The following SERINC1 variants were observed in gnomAD, a reference collection of about 807,000 sequenced individuals.
SERINC1 encodes tumor differentially expressed protein 2.
A neutral mutation model predicts 52.9 loss-of-function variants in SERINC1; 38 were observed. The observed-to-expected ratio is 0.72, with a 90% confidence interval of 0.55 to 0.94. The LOEUF (loss-of-function observed/expected upper bound fraction) is 0.94. Ranked by LOEUF, SERINC1 falls within the 40% of genes least tolerant of loss-of-function variation. SERINC1 has a pLI of 0.00. For missense variants in SERINC1, 471 were observed against 533.9 expected (o/e 0.88, Z 1.16); for synonymous variants, 198 against 183.1 (o/e 1.08, Z -0.66).
chr6:122,459,674 GT>G (rs1404721659), intron 1 of SERINC1, among the ~76,000 whole-genome samples: 1 of 152,024 alleles, frequency 6.6e-6, no homozygotes, highest in Non-Finnish European at 1.5e-5. Context: ...ATATAATCCA[GT>G]AAGAAAAGGA....
Position 122,458,555 on chromosome 6 carries a change from T to C in SERINC1, c.166A>G (p.Met56Val). 1.2e-6 allele frequency: 2 copies of C among 1,613,254 alleles called. No individual in the cohort carries two copies. Among genetic ancestry groups the C allele is most frequent in the Non-Finnish European group, 1.7e-6 (2 of 1,179,432 alleles). Reference sequence around the variant, plus strand: ...TGTTCTTCCATTCCTGGTATCAACATTACACAAGCTACACATACTCCAACA... The same window carrying C: ...TGTTCTTCCATTCCTGGTATCAACACTACACAAGCTACACATACTCCAACA... ...LLVGVCVACV[M>V]LIPGMEEQLN... The change falls in exon 2 of 10, where the codon ATG becomes GTG. Residue 56 changes from methionine to valine, a missense_variant. By Grantham distance (21) the Met-to-Val change is conservative. Coordinates refer to ENST00000339697, the MANE Select transcript of SERINC1 (RefSeq NM_020755.4).
Position 122,444,945 on chromosome 6 carries a change from T to C in SERINC1, c.*99A>G, listed in dbSNP as rs1316104619. ...ATTCATGCCAGAACACTGGAGAAGT[T>C]ACATGGGAAGCAAAAACATACACAA... On this transcript the variant is annotated 3_prime_UTR_variant, in exon 10 of 10. Transcript: ENST00000339697. 1.7e-6 allele frequency: 2 copies of C among 1,178,434 alleles called. No individual in the cohort carries two copies. The highest frequency in any genetic ancestry group is 2.4e-6 in the Non-Finnish European group (2 of 834,992). The allele number at this position is 1,178,434 out of a possible 1,614,324, so 73.0% of individuals were successfully genotyped here. A position where few individuals can be genotyped will look rare whatever the true frequency, so the allele number is the denominator to read the frequency against.
At position 122,454,116 on chromosome 6, in the gene SERINC1, T is replaced by C. The variant is rs1774958021; in HGVS notation, c.451+35A>G. On this transcript the variant is annotated intron_variant, in intron 4 of 9. Coordinates refer to ENST00000339697, the MANE Select transcript of SERINC1 (RefSeq NM_020755.4). Reference sequence around the variant, plus strand: ...AATTATTTCAGATTCCTTTATAAAATATCAATGTCAAACAACTTAAAAAGG... The same window carrying C: ...AATTATTTCAGATTCCTTTATAAAACATCAATGTCAAACAACTTAAAAAGG... The C allele has an allele frequency of 3.0e-6, 4 of 1,347,122 alleles. No homozygotes were observed. In the South Asian group the frequency reaches 5.3e-5, roughly 18 times the overall value. The allele number at this position is 1,347,122 out of a possible 1,614,324, so 83.4% of individuals were successfully genotyped here.
intron 1 of SERINC1, among the ~76,000 whole-genome samples, chr6:122,468,732 G>A (rs1340236380): frequency 1.3e-5 from 2 of 152,102 alleles, no homozygotes; most frequent in Admixed American, 1.3e-4. Context: ...ACTCTGCATT[G>A]CTTGACCATT....
chr6:122,451,654 TA>T lies in SERINC1; in HGVS notation c.850+9del. 1 of 1,033,824 alleles carries T rather than the reference TA, an allele frequency of 9.7e-7. No homozygotes were observed. The highest frequency in any genetic ancestry group is 1.4e-6 in the Non-Finnish European group (1 of 707,386). 64.0% of individuals were successfully genotyped at this position (1,033,824 alleles called of 1,614,324 possible). ...AACCTTTAGGAACATGTAATATAAA[TA>T]AAACACACCTGGTTCATTGGTCATA... On this transcript the variant is annotated intron_variant, in intron 7 of 9. Coordinates refer to ENST00000339697, the MANE Select transcript of SERINC1 (RefSeq NM_020755.4).
intron 7 of SERINC1, among the ~76,000 whole-genome samples, chr6:122,448,462 T>C (rs1774846215): frequency 6.6e-6 from 1 of 152,184 alleles, no homozygotes; most frequent in Admixed American, 6.5e-5. Context: ...GATCATTTTC[T>C]TCTTTTTAAT....
chr6:122,463,101 A>G (rs570751325), intron 1 of SERINC1, among the ~76,000 whole-genome samples: 3 of 152,358 alleles, frequency 2.0e-5, no homozygotes, highest in South Asian at 4.1e-4. Context: ...TATAGGGAAA[A>G]GGGTGGACAC....
rs1380768462 is a variant in SERINC1 at position 122,444,868 on chromosome 6, C to T, written c.*176G>A. ...TTCCTCTGCAATTCATTCTACTTCA[C>T]ATATCAATGCACTTGGTAAGAAAAT... On this transcript the variant is annotated 3_prime_UTR_variant, in exon 10 of 10. Coordinates refer to ENST00000339697, the MANE Select transcript of SERINC1 (RefSeq NM_020755.4). 3 of 611,258 alleles carry T rather than the reference C, an allele frequency of 4.9e-6. No individual in the cohort carries two copies. The African/African-American group carries it at 5.6e-5, about 11-fold the overall frequency. 37.9% of individuals were successfully genotyped at this position (611,258 alleles called of 1,614,324 possible).
intron 3 of SERINC1, among the ~76,000 whole-genome samples, chr6:122,454,855 G>A (rs1774970313): frequency 6.6e-6 from 1 of 152,126 alleles, no homozygotes; most frequent in South Asian, 2.1e-4. Flanking sequence ...GCAGAAACGA[G>A]GGCTGTAATT....
At chr6:122,465,583 A>G (rs937967612) in intron 1 of SERINC1, among the ~76,000 whole-genome samples, 1 of 152,172 alleles carries the variant, frequency 6.6e-6, no homozygotes, top group African/African-American at 2.4e-5. Context: ...GCCCTAGATA[A>G]ATATCTGCAT....
At chr6:122,468,117 C>T (rs1193227793) in intron 1 of SERINC1, among the ~76,000 whole-genome samples, 1 of 152,026 alleles carries the variant, frequency 6.6e-6, no homozygotes, top group Non-Finnish European at 1.5e-5. Context: ...ATTAATTAAA[C>T]CTGGGAACTA....
At chr6:122,452,259 C>T (rs1774922995) in intron 5 of SERINC1, among the ~76,000 whole-genome samples, 1 of 152,032 alleles carries the variant, frequency 6.6e-6, no homozygotes, top group Non-Finnish European at 1.5e-5. Context: ...AGTTTTTACA[C>T]ATAGCTATTA....
At chr6:122,458,004 C>T (rs1218796416) in intron 2 of SERINC1, among the ~76,000 whole-genome samples, 1 of 152,062 alleles carries the variant, frequency 6.6e-6, no homozygotes, top group Non-Finnish European at 1.5e-5. Flanking sequence ...CATATCACTG[C>T]CAATATTTCA....
chr6:122,453,753 C>A lies in SERINC1; in HGVS notation c.589+17G>T. 1.3e-6 allele frequency: 2 copies of A among 1,581,642 alleles called. No individual in the cohort carries two copies. Among genetic ancestry groups the A allele is most frequent in the Non-Finnish European group, 1.7e-6 (2 of 1,158,694 alleles). On this transcript the variant is annotated intron_variant, in intron 5 of 9. Transcript: ENST00000339697. ...AAAGTTCAACTATACTGAAGTTGTT[C>A]TGCGACGAAAGCTTACCTGCATACC...
rs1333363840 is a variant in SERINC1 at position 122,451,672 on chromosome 6, T to C, written c.842A>G (p.Asn281Ser). Residue 281 changes from asparagine (N) to serine (S), a missense_variant, in exon 7 of 10, where the codon AAT becomes AGT. Transcript: ENST00000339697. ...ATATAAATAAAACACACCTGGTTCA[T>C]TGGTCATAGCTGACCATGTCAAATA... is the stretch of plus-strand genomic sequence containing the variant. ...TMYLTWSAMTNEPETNCNPSL... is the reference protein window; with the variant it reads ...TMYLTWSAMTSEPETNCNPSL... 5.0e-6 allele frequency: 6 copies of C among 1,194,908 alleles called. No individual in the cohort carries two copies. Among genetic ancestry groups the C allele is most frequent in the East Asian group, 5.6e-5 (2 of 35,784 alleles). The allele number at this position is 1,194,908 out of a possible 1,614,324, so 74.0% of individuals were successfully genotyped here. A position where few individuals can be genotyped will look rare whatever the true frequency, so the allele number is the denominator to read the frequency against.
intron 1 of SERINC1, among the ~76,000 whole-genome samples, chr6:122,462,585 G>C (rs983743651): frequency 6.6e-6 from 1 of 151,936 alleles, no homozygotes; most frequent in Non-Finnish European, 1.5e-5. Context: ...CACTGCACTC[G>C]AGTCTGGATG....
intron 2 of SERINC1, among the ~76,000 whole-genome samples, chr6:122,457,029 A>G (rs918620124): frequency 6.6e-6 from 1 of 152,084 alleles, no homozygotes; most frequent in Non-Finnish European, 1.5e-5. Flanking sequence ...TCATATATAT[A>G]AGAATAAATT....
In SERINC1 at chr6:122,443,822, T is replaced by C. The variant is rs1309942961; in HGVS notation, c.*1222A>G. On this transcript the variant is annotated 3_prime_UTR_variant, in exon 10 of 10. Transcript: ENST00000339697. ...AATTATTTTTAAATGTCAGAGAGAA[T>C]GCTATTATTGGCCAACTTGAAATTT... is the stretch of plus-strand genomic sequence containing the variant. 1 of 152,170 alleles carries C rather than the reference T, an allele frequency of 6.6e-6. No homozygotes were observed. The highest frequency in any genetic ancestry group is 1.5e-5 in the Non-Finnish European group (1 of 68,026). 9.4% of individuals were successfully genotyped at this position (152,170 alleles called of 1,614,324 possible).
At chr6:122,468,034 T>C (rs1179773879) in intron 1 of SERINC1, among the ~76,000 whole-genome samples, 2 of 152,202 alleles carry the variant, frequency 1.3e-5, no homozygotes, top group African/African-American at 2.4e-5. Flanking sequence ...GGGAGTGGTA[T>C]ACTATTTTTC....
Sources: allele counts gnomAD v4.1 joint callset (sites outside exome capture counted in the v4.1 genomes callset), GRCh38; gene constraint gnomAD v4.1.1; transcripts MANE v1.5; gene names NCBI Gene and HGNC (gene_info 2026-07-23, HGNC 2026-07-21).